The following LSM12 variants were observed in gnomAD, a reference collection of about 807,000 sequenced individuals.
LSM12 encodes the protein LSM12 homolog.
For missense variants in LSM12, 108 were observed against 238.9 expected (o/e 0.45, Z 3.61); for synonymous variants, 74 against 87.3 (o/e 0.85, Z 0.85).
At chr17:44,066,672 G>A (rs1048241336), upstream of LSM12, 6 of 1,260,430 alleles carry the variant, frequency 4.8e-6, no homozygotes, top group African/African-American at 9.5e-5. Context: ...ACGCGACGGC[G>A]CGCACGGAGC....
Position 44,049,271 on chromosome 17 carries a change from TTTTG to T in LSM12, c.259-9019_259-9016del, listed in dbSNP as rs535702873. Among the ~76,000 whole-genome samples the T allele has an allele frequency of 2.3e-3, 343 of 152,090 alleles. 2 individuals are homozygous for T. The highest frequency in any genetic ancestry group is 7.7e-3 in the African/African-American group (318 of 41,470). On this transcript the variant is annotated intron_variant, in intron 2 of 4. Transcript: ENST00000293406. ...ATGCCTGATGCTGGGTAACCCTTAT[TTTTG>T]TTTGTTTGTTTTTGTTTTTAAGAGA... is the stretch of plus-strand genomic sequence containing the variant.
rs947453850 is a variant in LSM12, at chr17:44,066,628, G to A, written c.-41C>T. 7.6e-7 allele frequency: 1 copy of A among 1,308,434 alleles called. No homozygotes were observed. 81.1% of individuals were successfully genotyped at this position (1,308,434 alleles called of 1,614,324 possible). A position where few individuals can be genotyped will look rare whatever the true frequency, so the allele number is the denominator to read the frequency against. ...GCGGCCGGCGGCGGCGGCGGCAGCA[G>A]CGGGCGAAAGCCGGGCCCCCAGTGA... On this transcript the variant is annotated 5_prime_UTR_variant, in exon 1 of 5. Coordinates refer to ENST00000293406, the MANE Select transcript of LSM12 (RefSeq NM_001371445.1).
At chr17:44,057,120 C>T (rs1283831903) in intron 2 of LSM12, among the ~76,000 whole-genome samples, 2 of 151,754 alleles carry the variant, frequency 1.3e-5, no homozygotes, top group Non-Finnish European at 2.9e-5. Context: ...AGAGCCATGG[C>T]ACTCCAGCCT....
chr17:44,048,955 C>T (rs1567958451), intron 2 of LSM12, among the ~76,000 whole-genome samples: 1 of 152,132 alleles, frequency 6.6e-6, no homozygotes, highest in Non-Finnish European at 1.5e-5. Flanking sequence ...TTTGGGAGGC[C>T]AAGGCAGGAA....
intron 2 of LSM12, among the ~76,000 whole-genome samples, chr17:44,054,576 G>T (rs1216365415): frequency 2.0e-5 from 3 of 152,124 alleles, no homozygotes; most frequent in Non-Finnish European, 4.4e-5. Flanking sequence ...AAAGTGCTGG[G>T]ACTACAGGTG....
intron 2 of LSM12, among the ~76,000 whole-genome samples, chr17:44,052,035 G>A (rs1014729299): frequency 6.6e-6 from 1 of 152,058 alleles, no homozygotes; most frequent in Non-Finnish European, 1.5e-5. Context: ...TTGAACCGGG[G>A]AGGCGGAGGT....
intron 2 of LSM12, among the ~76,000 whole-genome samples, chr17:44,046,120 A>G (rs962012004): frequency 6.6e-6 from 1 of 150,948 alleles, no homozygotes; most frequent in Admixed American, 6.6e-5. Flanking sequence ...TATTTTTAGT[A>G]GAGACAGGGT....
At chr17:44,066,339 G>T in intron 1 of LSM12, 125 bp downstream of exon 1, 1 of 1,289,572 alleles carries the variant, frequency 7.8e-7, no homozygotes, top group Non-Finnish European at 1.0e-6. Context: ...CATGCGCCCC[G>T]GGCGCCGCGG....
At chr17:44,065,093 A>AT (rs2049853878) in intron 1 of LSM12, among the ~76,000 whole-genome samples, 1 of 150,708 alleles carries the variant, frequency 6.6e-6, no homozygotes, top group African/African-American at 2.4e-5. Flanking sequence ...AAATCACGCC[A>AT]TTGCACTCCA....
intron 1 of LSM12, among the ~76,000 whole-genome samples, chr17:44,064,915 C>T (rs1349352032): frequency 2.6e-5 from 4 of 151,888 alleles, no homozygotes; most frequent in Non-Finnish European, 4.4e-5. Context: ...GGGTGGATCA[C>T]GAGGTCAGGA....
intron 1 of LSM12, among the ~76,000 whole-genome samples, chr17:44,064,511 T>C (rs183593145): frequency 7.9e-5 from 12 of 152,192 alleles, no homozygotes; most frequent in African/African-American, 2.4e-4. Flanking sequence ...GGCGGGCAGA[T>C]TACTTGAGGT....
intron 2 of LSM12, among the ~76,000 whole-genome samples, chr17:44,051,014 C>T (rs1210298233): frequency 6.6e-6 from 1 of 152,126 alleles, no homozygotes; most frequent in Non-Finnish European, 1.5e-5. Flanking sequence ...TGGCTCACGC[C>T]TGTAATCCCA....
At position 44,066,648 on chromosome 17, in the gene LSM12, C is replaced by T. The variant is rs1463173086; in HGVS notation, c.-61G>A. 5 of 1,278,928 alleles carry T rather than the reference C, an allele frequency of 3.9e-6. No homozygotes were observed. Among genetic ancestry groups the T allele is most frequent in the Admixed American group, 4.3e-5 (1 of 23,270 alleles). The allele number at this position is 1,278,928 out of a possible 1,614,324, so 79.2% of individuals were successfully genotyped here. A position where few individuals can be genotyped will look rare whatever the true frequency, so the allele number is the denominator to read the frequency against. ...CAGCAGCGGGCGAAAGCCGGGCCCC[C>T]AGTGAGCGCCGCGACGCGACGGCGC... On this transcript the variant is annotated 5_prime_UTR_variant, in exon 1 of 5. Coordinates refer to ENST00000293406, the MANE Select transcript of LSM12 (RefSeq NM_001371445.1).
intron 2 of LSM12, among the ~76,000 whole-genome samples, chr17:44,040,902 T>G (rs2049479024): frequency 6.6e-6 from 1 of 151,672 alleles, no homozygotes; most frequent in Admixed American, 6.6e-5. Flanking sequence ...GAGAATTGCT[T>G]GAACCCAGGA....
At chr17:44,058,943 C>T (rs889001936) in intron 2 of LSM12, among the ~76,000 whole-genome samples, 1 of 151,750 alleles carries the variant, frequency 6.6e-6, no homozygotes, top group Non-Finnish European at 1.5e-5. Flanking sequence ...GTCGAGGCTG[C>T]GGTGAGCTGT....
intron 2 of LSM12, among the ~76,000 whole-genome samples, chr17:44,045,761 C>G (rs554497303): frequency 6.6e-6 from 1 of 151,476 alleles, no homozygotes; most frequent in African/African-American, 2.4e-5. Context: ...TTTGTAGAGA[C>G]AGGGTTTCAC....
intron 2 of LSM12, among the ~76,000 whole-genome samples, chr17:44,052,893 C>T (rs2049665633): frequency 6.6e-6 from 1 of 151,782 alleles, no homozygotes; most frequent in Non-Finnish European, 1.5e-5. Context: ...AAAACTCTGT[C>T]TTAAAAATAT....
At chr17:44,039,078 G>C (rs1045635133) in intron 3 of LSM12, among the ~76,000 whole-genome samples, 2 of 151,920 alleles carry the variant, frequency 1.3e-5, no homozygotes, top group Admixed American at 1.3e-4. Context: ...TTTTTGAGAC[G>C]GAGTTTTGCT....
chr17:44,052,021 T>C (rs935265692), intron 2 of LSM12, among the ~76,000 whole-genome samples: 4 of 152,060 alleles, frequency 2.6e-5, no homozygotes, highest in East Asian at 3.9e-4. Context: ...GGCAGGAGAA[T>C]TGTTTGAACC....
Sources: gnomAD v4.1 joint callset for allele counts (sites outside exome capture counted in the v4.1 genomes callset) on GRCh38, gnomAD v4.1.1 for gene constraint, MANE v1.5 for transcripts, NCBI Gene and HGNC (gene_info 2026-07-23, HGNC 2026-07-21) for gene names.